The following FLYWCH2 variants were observed in gnomAD, a reference collection of about 807,000 sequenced individuals.
FLYWCH2 encodes FLYWCH family member 2.
A neutral mutation model predicts 6.0 loss-of-function variants in FLYWCH2; 2 were observed. The ratio of observed to expected loss-of-function variants is 0.33; its 90% confidence interval spans 0.14 to 1.04. The LOEUF (loss-of-function observed/expected upper bound fraction) is 1.04. Among genes scored for constraint, FLYWCH2 ranks in the 50% least tolerant of loss-of-function variants. The pLI, the probability that FLYWCH2 is intolerant of heterozygous loss-of-function variation, is 0.45. For missense variants in FLYWCH2, 192 were observed against 183.4 expected, an observed-to-expected ratio of 1.05 and a Z score of -0.27; for synonymous variants, 87 against 79.3, an observed-to-expected ratio of 1.10 and a Z score of -0.52.
At chr16:2,890,148 C>T (rs2069739232) in intron 1 of FLYWCH2, among the ~76,000 whole-genome samples, 1 of 151,678 alleles carries the variant, frequency 6.6e-6, no homozygotes, top group African/African-American at 2.4e-5. Context: ...TTCACTAATG[C>T]ACTTTTTGTG....
chr16:2,884,569 A>C (rs1440042436), intron 1 of FLYWCH2, among the ~76,000 whole-genome samples: 1 of 146,188 alleles, frequency 6.8e-6, no homozygotes, highest in South Asian at 2.2e-4. Context: ...AAAAAAAAAA[A>C]AAAAAAAATA....
chr16:2,884,316 T>C (rs2335462), intron 1 of FLYWCH2, among the ~76,000 whole-genome samples: 42,252 of 151,654 alleles, frequency 0.28, 5,903 homozygotes, highest in Admixed American at 0.3. Context: ...TGAAGATGAT[T>C]CTGTGGGTCC....
chr16:2,893,849 A>G (rs866642152), intron 1 of FLYWCH2, among the ~76,000 whole-genome samples: 15 of 151,852 alleles, frequency 9.9e-5, no homozygotes, highest in African/African-American at 2.9e-4. Context: ...CATGTTAGCC[A>G]GGATGGTCTC....
At chr16:2,883,983 T>C (rs1399507965) in intron 1 of FLYWCH2, among the ~76,000 whole-genome samples, 3 of 152,208 alleles carry the variant, frequency 2.0e-5, no homozygotes, top group Non-Finnish European at 2.9e-5. Context: ...CTTGGCCTTC[T>C]TGGGGCAGGG....
intron 1 of FLYWCH2, among the ~76,000 whole-genome samples, chr16:2,885,522 T>C (rs2069689339): frequency 6.6e-6 from 1 of 152,224 alleles, no homozygotes; most frequent in East Asian, 1.9e-4. Context: ...TCCATAGATT[T>C]TCCTACTCTG....
At chr16:2,890,476 G>A (rs994953554) in intron 1 of FLYWCH2, among the ~76,000 whole-genome samples, 3 of 150,728 alleles carry the variant, frequency 2.0e-5, no homozygotes, top group Non-Finnish European at 4.4e-5. Context: ...GTGCAGTGGC[G>A]CGATCTTGGC....
intron 1 of FLYWCH2, among the ~76,000 whole-genome samples, chr16:2,893,313 C>G (rs554729243): frequency 3.9e-5 from 6 of 152,208 alleles, no homozygotes; most frequent in Non-Finnish European, 8.8e-5. Flanking sequence ...GGTGACCAGC[C>G]CCATTGAAGC....
intron 3 of FLYWCH2, chr16:2,898,747 A>G (rs1015739337): frequency 6.7e-6 from 2 of 297,278 alleles, no homozygotes; most frequent in African/African-American, 2.2e-5. Flanking sequence ...CCATCTGCCA[A>G]CTCCTCCATC....
At chr16:2,890,238 T>TTTTTTTTTTG (rs1567303880) in intron 1 of FLYWCH2, among the ~76,000 whole-genome samples, 3 of 128,176 alleles carry the variant, frequency 2.3e-5, no homozygotes, top group African/African-American at 8.8e-5. Context: ...GTTTTTTTTT[T>TTTTTTTTTTG]TTTGTTTTTG....
rs1028841298 is a variant in FLYWCH2 at position 2,883,362 on chromosome 16, C to A, written c.-204C>A. 3 of 152,246 alleles carry A rather than the reference C, an allele frequency of 2.0e-5. No individual in the cohort carries two copies. Among genetic ancestry groups the A allele is most frequent in the African/African-American group, 7.2e-5 (3 of 41,450 alleles). The allele number at this position is 152,246 out of a possible 1,614,324, so 9.4% of individuals were successfully genotyped here. A position where few individuals can be genotyped will look rare whatever the true frequency, so the allele number is the denominator to read the frequency against. On this transcript the variant is annotated 5_prime_UTR_variant, in exon 1 of 4. Transcript: ENST00000396958. ...CGCCGGAGAGGGAGGGCACCGCTGT[C>A]GTCGGTGAGGACGGGCCCTGGCGGG...
chr16:2,884,575 AAATAC>A (rs2069676946), intron 1 of FLYWCH2, among the ~76,000 whole-genome samples: 1 of 143,790 alleles, frequency 7.0e-6, no homozygotes, highest in Non-Finnish European at 1.5e-5. Flanking sequence ...AAAAAAAAAA[AAATAC>A]AAAAATTAGT....
At chr16:2,894,694 CA>C (rs1877634090) in intron 1 of FLYWCH2, among the ~76,000 whole-genome samples, 1 of 152,228 alleles carries the variant, frequency 6.6e-6, no homozygotes, top group East Asian at 1.9e-4. Flanking sequence ...TTCAAGTGCC[CA>C]CCCCCTCGAG....
chr16:2,899,175 G>C lies in FLYWCH2; in HGVS notation c.*26G>C, dbSNP rs758290758. 1 of 1,582,132 alleles carries C rather than the reference G, an allele frequency of 6.3e-7. No homozygotes were observed. Among genetic ancestry groups the C allele is most frequent in the Non-Finnish European group, 8.6e-7 (1 of 1,157,126 alleles). On this transcript the variant is annotated 3_prime_UTR_variant, in exon 4 of 4. Transcript: ENST00000396958. ...CCTTGACAACAGGCGCATCCTCCCA[G>C]GCCACCAACCCAGCCATAGGCTCTT... is the stretch of plus-strand genomic sequence containing the variant.
At chr16:2,890,239 TTTG>T (rs1466563567) in intron 1 of FLYWCH2, among the ~76,000 whole-genome samples, 5 of 147,630 alleles carry the variant, frequency 3.4e-5, no homozygotes, top group African/African-American at 1.3e-4. Context: ...TTTTTTTTTT[TTTG>T]TTTTTGTTGT....
intron 1 of FLYWCH2, among the ~76,000 whole-genome samples, chr16:2,886,594 T>G (rs1232128246): frequency 7.0e-6 from 1 of 142,116 alleles, no homozygotes; most frequent in African/African-American, 2.8e-5. Flanking sequence ...CAATCTCAGC[T>G]TACCGCAACC....
intron 1 of FLYWCH2, among the ~76,000 whole-genome samples, chr16:2,887,683 A>G (rs990801129): frequency 2.6e-5 from 4 of 151,416 alleles, no homozygotes; most frequent in Non-Finnish European, 4.4e-5. Context: ...CAACGCTCCC[A>G]CCTCAGCCTC....
intron 1 of FLYWCH2, among the ~76,000 whole-genome samples, chr16:2,890,930 C>A (rs931991852): frequency 3.3e-5 from 5 of 152,204 alleles, no homozygotes; most frequent in Non-Finnish European, 7.3e-5. Context: ...ACTTAAGCTC[C>A]ATTTCCTGGA....
Position 2,896,604 on chromosome 16 carries a change from C to G in FLYWCH2, c.155C>G (p.Thr52Ser). ...CTGCTCACAGCCTCCAAAGACAGCACCAAGGTGGCGGGGGCCAAGCGCAAG... is the reference window on the plus strand; with the variant it reads ...CTGCTCACAGCCTCCAAAGACAGCAGCAAGGTGGCGGGGGCCAAGCGCAAG... ...LVLLTASKDSTKVAGAKRKGV... is the reference protein window; with the variant it reads ...LVLLTASKDSSKVAGAKRKGV... Residue 52 changes from threonine to serine, a missense_variant, in exon 3 of 4, where the codon ACC becomes AGC. By Grantham distance (58) the Thr-to-Ser change is moderately conservative (BLOSUM62 1). Coordinates refer to ENST00000396958, the MANE Select transcript of FLYWCH2 (RefSeq NM_138439.3). The G allele has an allele frequency of 6.2e-7, 1 of 1,614,164 alleles. No homozygotes were observed. Among genetic ancestry groups the G allele is most frequent in the East Asian group, 2.2e-5 (1 of 44,886 alleles).
chr16:2,892,910 A>G (rs2069774767), intron 1 of FLYWCH2, among the ~76,000 whole-genome samples: 1 of 36,584 alleles, frequency 2.7e-5, no homozygotes, highest in Admixed American at 2.8e-4. Context: ...GTCATATAAT[A>G]TATATTATAT....
Sources: allele counts gnomAD v4.1 joint callset (sites outside exome capture counted in the v4.1 genomes callset), GRCh38; gene constraint gnomAD v4.1.1; transcripts MANE v1.5; gene names NCBI Gene and HGNC (gene_info 2026-07-23, HGNC 2026-07-21).